Variants in TRHDE observed in about 807,000 individuals in gnomAD.
TRHDE encodes thyrotropin-releasing hormone-degrading ectoenzyme.
In TRHDE, 72 loss-of-function variants were observed where a neutral mutation model predicts 125.7. The observed-to-expected ratio is 0.57, with a 90% CI of 0.47 to 0.70. TRHDE has a LOEUF of 0.70. Among genes scored for constraint, TRHDE ranks in the 30% least tolerant of loss-of-function variants. The pLI, the probability that TRHDE is intolerant of heterozygous loss-of-function variation, is 0.00. For synonymous variants in TRHDE, 509 were observed against 509.1 expected (o/e 1.00, Z 0.00); for missense variants, 1,110 against 1,327.1 (o/e 0.84, Z 2.54).
intron 2 of TRHDE, among the ~76,000 whole-genome samples, chr12:72,299,195 A>C (rs1354667013): frequency 6.6e-6 from 1 of 152,198 alleles, no homozygotes; most frequent in Non-Finnish European, 1.5e-5. Flanking sequence ...GAGACAAATT[A>C]TTTCCTGAAG....
At chr12:72,636,295 C>G (rs1873747252) in intron 15 of TRHDE, among the ~76,000 whole-genome samples, 1 of 150,326 alleles carries the variant, frequency 6.7e-6, no homozygotes, top group Non-Finnish European at 1.5e-5. Flanking sequence ...CATGATTTGG[C>G]TCTCTGTTTG....
chr12:72,133,448 G>C (rs1368805401), intron 2 of TRHDE, among the ~76,000 whole-genome samples: 1 of 152,176 alleles, frequency 6.6e-6, no homozygotes, highest in Non-Finnish European at 1.5e-5. Context: ...GTTTGGAAGA[G>C]AGGGAGGAGG....
rs139204461 is a variant in TRHDE, at chr12:72,423,373, C to G, written c.1315+45252C>G. On this transcript the variant is annotated intron_variant, in intron 3 of 18. Transcript: ENST00000261180. The stretch of plus-strand genomic sequence containing the variant: ...ATTTACCTTCCTCTTTACATAGGAT[C>G]AAAGTGTTCCTCCGTTTGAGCTACT... Among the ~76,000 whole-genome samples, 57 of 152,262 alleles carry G rather than the reference C, an allele frequency of 3.7e-4. 1 individual carries two copies. The highest frequency in any genetic ancestry group is 1.3e-3 in the African/African-American group (52 of 41,548).
At chr12:72,594,419 T>G (rs1356136709) in intron 12 of TRHDE, among the ~76,000 whole-genome samples, 1 of 151,638 alleles carries the variant, frequency 6.6e-6, no homozygotes. Context: ...GTTTTCTCCA[T>G]GTTGGTCAGG....
At chr12:72,558,952 TG>T (rs746774737) in intron 7 of TRHDE, among the ~76,000 whole-genome samples, 70 of 152,254 alleles carry the variant, frequency 4.6e-4, no homozygotes, top group Non-Finnish European at 8.5e-4. Context: ...GGCACAGGCA[TG>T]GGGTTTGGAT....
intron 2 of TRHDE, among the ~76,000 whole-genome samples, chr12:72,216,578 TC>T (rs1343796825): frequency 6.6e-6 from 1 of 152,156 alleles, no homozygotes; most frequent in Non-Finnish European, 1.5e-5. Flanking sequence ...TCATTTATTC[TC>T]CTGTAAAATA....
intron 3 of TRHDE, among the ~76,000 whole-genome samples, chr12:72,399,219 C>T (rs370716211): frequency 6.9e-4 from 105 of 152,288 alleles, no homozygotes; most frequent in African/African-American, 2.2e-3. Flanking sequence ...AACTGGTCCC[C>T]GAAGCCAAAA....
intron 3 of TRHDE, among the ~76,000 whole-genome samples, chr12:72,420,972 A>ATT (rs1187188525): frequency 2.1e-5 from 3 of 143,420 alleles, no homozygotes; most frequent in Non-Finnish European, 3.1e-5. Flanking sequence ...GATTGGTATG[A>ATT]TTTTTTTTTT....
intron 6 of TRHDE, among the ~76,000 whole-genome samples, chr12:72,512,434 A>AGTTATAATT (rs1565772026): frequency 9.4e-6 from 1 of 106,890 alleles, no homozygotes; most frequent in African/African-American, 5.2e-5. Flanking sequence ...TATATTATAT[A>AGTTATAATT]ATATGTTATA....
At chr12:72,356,571 T>C (rs1870833094) in intron 2 of TRHDE, among the ~76,000 whole-genome samples, 1 of 151,506 alleles carries the variant, frequency 6.6e-6, no homozygotes, top group Non-Finnish European at 1.5e-5. Context: ...CTGGCTACTT[T>C]GTGAAAAGTG....
At chr12:72,490,423 C>A (rs539848014) in intron 5 of TRHDE, among the ~76,000 whole-genome samples, 2 of 151,608 alleles carry the variant, frequency 1.3e-5, no homozygotes, top group Non-Finnish European at 3.0e-5. Flanking sequence ...GTTTCTTAAA[C>A]GATTAAAAAT....
intron 1 of TRHDE, among the ~76,000 whole-genome samples, chr12:72,091,821 T>C (rs201654383): frequency 1.3e-5 from 2 of 152,324 alleles, no homozygotes; most frequent in East Asian, 3.9e-4. Flanking sequence ...AGTAATCATA[T>C]GAACCTATGA....
chr12:72,345,271 G>T (rs1870266151), intron 2 of TRHDE, among the ~76,000 whole-genome samples: 1 of 151,956 alleles, frequency 6.6e-6, no homozygotes, highest in South Asian at 2.1e-4. Flanking sequence ...AGACAATGAA[G>T]AAAAAATAAA....
chr12:72,276,829 C>T (rs1879504528), intron 1 of TRHDE, among the ~76,000 whole-genome samples: 1 of 152,150 alleles, frequency 6.6e-6, no homozygotes, highest in South Asian at 2.1e-4. Context: ...ACTTTTTCAT[C>T]AACTAGGTGT....
At chr12:72,214,748 A>G (rs1877850297) in intron 2 of TRHDE, among the ~76,000 whole-genome samples, 1 of 152,214 alleles carries the variant, frequency 6.6e-6, no homozygotes, top group Non-Finnish European at 1.5e-5. Flanking sequence ...ACCCTATAAG[A>G]CAAAACTTAA....
chr12:72,175,547 T>C (rs1876968082), intron 2 of TRHDE, among the ~76,000 whole-genome samples: 1 of 152,218 alleles, frequency 6.6e-6, no homozygotes, highest in African/African-American at 2.4e-5. Context: ...GCTCTACTCC[T>C]GAGTCCCGGC....
chr12:72,519,660 C>T (rs902279282), intron 6 of TRHDE, among the ~76,000 whole-genome samples: 30 of 152,370 alleles, frequency 2.0e-4, no homozygotes, highest in East Asian at 9.6e-4. Flanking sequence ...AGTCATTCTC[C>T]GTCCAGCTTT....
intron 5 of TRHDE, among the ~76,000 whole-genome samples, chr12:72,495,179 T>A (rs1038318149): frequency 6.0e-5 from 9 of 150,082 alleles, no homozygotes; most frequent in Admixed American, 4.7e-4. Flanking sequence ...GTATCAACAT[T>A]GGTTGAATTT....
At chr12:72,553,479 G>A (rs1375970411) in intron 7 of TRHDE, among the ~76,000 whole-genome samples, 2 of 152,050 alleles carry the variant, frequency 1.3e-5, no homozygotes, top group Non-Finnish European at 2.9e-5. Flanking sequence ...TGTCTTTATT[G>A]CATTAGTGCC....
Sources: gnomAD v4.1 joint callset for allele counts (sites outside exome capture counted in the v4.1 genomes callset) on GRCh38, gnomAD v4.1.1 for gene constraint, MANE v1.5 for transcripts, NCBI Gene and HGNC (gene_info 2026-07-23, HGNC 2026-07-21) for gene names.